Variants in KAZN observed in about 807,000 individuals in gnomAD.
The protein encoded by KAZN is kazrin, periplakin interacting protein.
Under a neutral mutation model 87.4 loss-of-function variants are expected in KAZN, and 40 were observed. That is an observed-to-expected ratio of 0.46 (90% CI 0.36 to 0.60). The LOEUF (loss-of-function observed/expected upper bound fraction) is 0.60. Among genes scored for constraint, KAZN ranks in the 20% least tolerant of loss-of-function variants. KAZN has a pLI of 0.00. For missense variants in KAZN, 898 were observed against 1,073.9 expected (o/e 0.84, Z 2.29); for synonymous variants, 466 against 458.3 (o/e 1.02, Z -0.22).
chr1:14,745,153 G>GCCAGCAC (rs1229037915), intron 1 of KAZN, among the ~76,000 whole-genome samples: 8 of 151,872 alleles, frequency 5.3e-5, no homozygotes, highest in African/African-American at 1.9e-4. Context: ...TGCCCTGCAG[G>GCCAGCAC]CCAGCACCCA....
At chr1:14,691,426 A>G (rs1641301095) in intron 1 of KAZN, among the ~76,000 whole-genome samples, 1 of 152,250 alleles carries the variant, frequency 6.6e-6, no homozygotes, top group Non-Finnish European at 1.5e-5. Context: ...CATGCATGAA[A>G]GAATAACAGT....
At chr1:13,958,070 T>C (rs919736097) in intron 1 of KAZN, among the ~76,000 whole-genome samples, 2 of 152,214 alleles carry the variant, frequency 1.3e-5, no homozygotes, top group African/African-American at 4.8e-5. Flanking sequence ...CGTTCATTCA[T>C]ATATTTATTA....
chr1:15,073,130 C>T (rs1261577350), intron 8 of KAZN, among the ~76,000 whole-genome samples: 5 of 152,136 alleles, frequency 3.3e-5, no homozygotes, highest in East Asian at 1.9e-4. Flanking sequence ...ACTGGACTTC[C>T]GTGTACGAGT....
intron 1 of KAZN, among the ~76,000 whole-genome samples, chr1:14,781,278 C>A (rs138763273): frequency 3.9e-5 from 6 of 152,190 alleles, no homozygotes; most frequent in Non-Finnish European, 7.3e-5. Context: ...GCCGAGATCG[C>A]GCCACTGCGC....
chr1:14,103,612 A>G (rs2101651223), intron 1 of KAZN, among the ~76,000 whole-genome samples: 1 of 152,260 alleles, frequency 6.6e-6, no homozygotes, highest in East Asian at 1.9e-4. Context: ...CGGCCTGGCC[A>G]GTGAGTCCTT....
At chr1:14,781,695 G>A (rs936074941) in intron 1 of KAZN, among the ~76,000 whole-genome samples, 4 of 152,148 alleles carry the variant, frequency 2.6e-5, no homozygotes, top group African/African-American at 9.7e-5. Flanking sequence ...CAAGAGGCCG[G>A]GGGCAGTGGC....
chr1:14,897,623 G>A (rs1342617476), intron 1 of KAZN, among the ~76,000 whole-genome samples: 10 of 73,132 alleles, frequency 1.4e-4, no homozygotes, highest in African/African-American at 2.7e-4. Flanking sequence ...ACTTTCCAAA[G>A]CAAAAAAAAA....
intron 1 of KAZN, among the ~76,000 whole-genome samples, chr1:13,954,624 T>C (rs899855880): frequency 1.3e-5 from 2 of 152,050 alleles, no homozygotes; most frequent in African/African-American, 4.8e-5. Context: ...CCGTGCCATG[T>C]AGAAAATGAA....
At chr1:14,514,514 T>TTTATATA (rs1557770166) in intron 2 of KAZN, among the ~76,000 whole-genome samples, 31 of 20,648 alleles carry the variant, frequency 1.5e-3, no homozygotes, top group African/African-American at 4.9e-3. Flanking sequence ...ATATAATATA[T>TTTATATA]GAAATATATA....
At chr1:14,849,204 A>G (rs1047328305) in intron 1 of KAZN, among the ~76,000 whole-genome samples, 2 of 152,170 alleles carry the variant, frequency 1.3e-5, no homozygotes, top group Non-Finnish European at 2.9e-5. Context: ...TCTGGTGCAC[A>G]CTGGGTGTCA....
At chr1:15,110,497 G>GTATATT (rs1204034358) in intron 13 of KAZN, among the ~76,000 whole-genome samples, 1 of 19,806 alleles carries the variant, frequency 5.0e-5, no homozygotes, top group African/African-American at 1.4e-4. Flanking sequence ...GTGTATGTAT[G>GTATATT]TGTGTGTATT....
chr1:14,669,033 C>T (rs1026416638), intron 1 of KAZN, among the ~76,000 whole-genome samples: 7 of 152,246 alleles, frequency 4.6e-5, no homozygotes, highest in Middle Eastern at 3.4e-3. Flanking sequence ...TTATGCTATT[C>T]GTAAACATCT....
chr1:14,773,387 G>A lies in KAZN; in HGVS notation c.226+174164G>A, dbSNP rs930931332. On this transcript the variant is annotated intron_variant, in intron 1 of 14. Coordinates refer to ENST00000376030, the MANE Select transcript of KAZN (RefSeq NM_201628.3). This position sits in a 1 kb window ranked among gnomAD's most constrained non-coding sequence, Gnocchi z 5.9. ...ATTGCTTCAAATGGCTTTCAACAAC[G>A]CCCTCCACTCCACGGGGTCTCCCTT... Among the ~76,000 whole-genome samples the A allele has an allele frequency of 6.6e-5, 10 of 151,918 alleles. No individual in the cohort carries two copies. The highest frequency in any genetic ancestry group is 3.9e-4 in the East Asian group (2 of 5,154).
chr1:14,561,918 G>A (rs1170572779), intron 2 of KAZN, among the ~76,000 whole-genome samples: 2 of 151,258 alleles, frequency 1.3e-5, no homozygotes, highest in Admixed American at 6.6e-5. Flanking sequence ...AAAAAAAGAA[G>A]AAAAAAGTTT....
At chr1:14,552,795 T>C (rs1673622612) in intron 2 of KAZN, among the ~76,000 whole-genome samples, 1 of 152,192 alleles carries the variant, frequency 6.6e-6, no homozygotes, top group African/African-American at 2.4e-5. Context: ...GGCTTAAGCA[T>C]TTTAAAATAT....
chr1:14,348,205 C>T (rs1658257993), intron 2 of KAZN, among the ~76,000 whole-genome samples: 2 of 152,088 alleles, frequency 1.3e-5, no homozygotes, highest in Non-Finnish European at 2.9e-5. Context: ...CACACGCCAC[C>T]TTGCCCCAGT....
intron 2 of KAZN, among the ~76,000 whole-genome samples, chr1:15,014,139 T>C (rs1009019400): frequency 4.6e-5 from 7 of 152,240 alleles, no homozygotes; most frequent in African/African-American, 1.7e-4. Context: ...TTGGTCCTTC[T>C]GAATGAGTCT....
chr1:14,219,665 G>C (rs1017169389), intron 2 of KAZN, among the ~76,000 whole-genome samples: 1 of 152,138 alleles, frequency 6.6e-6, no homozygotes, highest in African/African-American at 2.4e-5. Context: ...AGCAAAATAT[G>C]ATAGGTGCTA....
chr1:13,977,828 C>G (rs12119570), intron 1 of KAZN, among the ~76,000 whole-genome samples: 18,429 of 152,150 alleles, frequency 0.12, 1,323 homozygotes, highest in South Asian at 0.24. Flanking sequence ...CACCTTGATG[C>G]AATTGTCGGA....
Sources: gnomAD v4.1 joint callset for allele counts (sites outside exome capture counted in the v4.1 genomes callset) on GRCh38, gnomAD v4.1.1 for gene constraint, Gnocchi (gnomAD v3.1) non-coding constraint, MANE v1.5 for transcripts, NCBI Gene and HGNC (gene_info 2026-07-23, HGNC 2026-07-21) for gene names.